Variants in DNAH12 observed in about 807,000 individuals in gnomAD.
DNAH12 encodes axonemal beta dynein heavy chain 12.
A neutral mutation model predicts 371.5 loss-of-function variants in DNAH12; 285 were observed. That is an observed-to-expected ratio of 0.77 (90% CI 0.70 to 0.85). The LOEUF (loss-of-function observed/expected upper bound fraction) is 0.85, where lower values mean the gene tolerates loss of function less well. DNAH12 is among the 40% of genes least tolerant of loss of function. The pLI is 0.00. For missense variants in DNAH12, 3,611 were observed against 3,689.4 expected (o/e 0.98, Z 0.55); for synonymous variants, 1,200 against 1,213.0 (o/e 0.99, Z 0.22).
intron 35 of DNAH12, among the ~76,000 whole-genome samples, chr3:57,422,357 A>G (rs1260498059): frequency 6.6e-6 from 1 of 152,050 alleles, no homozygotes; most frequent in Non-Finnish European, 1.5e-5. Context: ...CCTCCCGAGT[A>G]GCTGGGACTA....
At chr3:57,343,911 T>TC (rs1397916109) in intron 60 of DNAH12, among the ~76,000 whole-genome samples, 2 of 152,220 alleles carry the variant, frequency 1.3e-5, no homozygotes, top group Non-Finnish European at 2.9e-5. Flanking sequence ...CATAGTATCT[T>TC]CCCTTGACCT....
intron 59 of DNAH12, among the ~76,000 whole-genome samples, chr3:57,356,488 T>TAAATAAAGAAAG (rs1363080087): frequency 2.1e-5 from 3 of 141,568 alleles, no homozygotes; most frequent in Admixed American, 7.1e-5. Context: ...AATAAATAAA[T>TAAATAAAGAAAG]AAAATAAAGA....
At chr3:57,341,885 C>T (rs139384823) in intron 60 of DNAH12, among the ~76,000 whole-genome samples, 3 of 152,186 alleles carry the variant, frequency 2.0e-5, no homozygotes, top group Non-Finnish European at 2.9e-5. Context: ...GCTCTATTAA[C>T]GAAAACAGCA....
chr3:57,489,609 C>T lies in DNAH12; in HGVS notation c.1414G>A (p.Asp472Asn), dbSNP rs961167551. The T allele has an allele frequency of 6.5e-7, 1 of 1,543,776 alleles. No individual in the cohort carries two copies. Among genetic ancestry groups the T allele is most frequent in the African/African-American group, 1.4e-5 (1 of 72,566 alleles). ...QWIHYTMVRL[D>N]CEDLKTGLTN... ...AGGCCTGTCTTCAAATCTTCACAAT[C>T]CAAACGCACCATAGTGTAATGAATC... Residue 472 changes from aspartate (D) to asparagine (N), a missense_variant, in exon 12 of 74, where the codon GAT (aspartate) becomes AAT (asparagine). Asp to Asn is a conservative substitution (Grantham distance 23). Coordinates refer to ENST00000495027, the MANE Select transcript of DNAH12 (RefSeq NM_001366028.2).
At chr3:57,465,691 A>G (rs1165135039) in intron 17 of DNAH12, among the ~76,000 whole-genome samples, 5 of 152,126 alleles carry the variant, frequency 3.3e-5, no homozygotes, top group African/African-American at 1.2e-4. Context: ...TCAAAAAGCA[A>G]ATAATAAATA....
chr3:57,340,419 G>A (rs571273738), intron 60 of DNAH12, among the ~76,000 whole-genome samples: 1 of 151,936 alleles, frequency 6.6e-6, no homozygotes, highest in East Asian at 1.9e-4. Context: ...GCATTAACTA[G>A]ACTAAGAAAA....
intron 11 of DNAH12, among the ~76,000 whole-genome samples, chr3:57,494,821 C>A (rs1314059227): frequency 6.6e-6 from 1 of 152,090 alleles, no homozygotes; most frequent in African/African-American, 2.4e-5. Context: ...TCAGCCTAGG[C>A]AACATGGTGA....
chr3:57,502,117 C>A (rs2067572339), intron 10 of DNAH12, among the ~76,000 whole-genome samples: 2 of 152,066 alleles, frequency 1.3e-5, no homozygotes, highest in Non-Finnish European at 2.9e-5. Context: ...CCGTGTTAGC[C>A]AGGATGGTCT....
chr3:57,507,390 T>A (rs993089038), intron 8 of DNAH12, among the ~76,000 whole-genome samples: 3 of 152,288 alleles, frequency 2.0e-5, no homozygotes, highest in Admixed American at 1.3e-4. Flanking sequence ...AATAAAGCTA[T>A]AATTAACTTA....
chr3:57,327,308 A>G (rs2061973259), intron 62 of DNAH12, among the ~76,000 whole-genome samples: 1 of 151,678 alleles, frequency 6.6e-6, no homozygotes, highest in Admixed American at 6.6e-5. Flanking sequence ...CATAGTTGGA[A>G]GTAAAGCTCT....
At chr3:57,481,449 T>C (rs979145317) in intron 13 of DNAH12, among the ~76,000 whole-genome samples, 1 of 152,112 alleles carries the variant, frequency 6.6e-6, no homozygotes, top group Non-Finnish European at 1.5e-5. Context: ...GAACATTCCA[T>C]GCTCATGGGT....
At position 57,328,239 on chromosome 3, in the gene DNAH12, C is replaced by G. The variant is rs1348538581; in HGVS notation, c.9979-4620G>C. Among the ~76,000 whole-genome samples, 77 of 151,408 alleles carry G rather than the reference C, an allele frequency of 5.1e-4. 1 individual carries two copies. Among genetic ancestry groups the G allele is most frequent in the Non-Finnish European group, 4.4e-5 (3 of 67,918 alleles). On this transcript the variant is annotated intron_variant, in intron 62 of 73. Transcript: ENST00000495027. ...GGCCAGCATCATCCTGATACCAAAGCCTGGCAGAGACACAACCAAAAAAGA... is the reference window on the plus strand; with the variant it reads ...GGCCAGCATCATCCTGATACCAAAGGCTGGCAGAGACACAACCAAAAAAGA...
intron 13 of DNAH12, among the ~76,000 whole-genome samples, chr3:57,481,183 C>T (rs1186714675): frequency 6.6e-6 from 1 of 152,140 alleles, no homozygotes; most frequent in East Asian, 1.9e-4. Context: ...ATTGTCTCAG[C>T]CCAAAATCTC....
In DNAH12 at chr3:57,322,341, A is replaced by T. The variant is rs1559551956; in HGVS notation, c.10524+2T>A. 1 of 1,550,268 alleles carries T rather than the reference A, an allele frequency of 6.5e-7. No homozygotes were observed. Among genetic ancestry groups the T allele is most frequent in the Non-Finnish European group, 8.7e-7 (1 of 1,146,512 alleles). On this transcript the variant is annotated splice_donor_variant, in intron 65 of 73. Transcript: ENST00000495027. LOFTEE classifies it high-confidence loss of function. ...TTAAAAGTTCCAAAAGATGAATATT[A>T]CCAGTTCCTTTCCACGGCATCCCTT...
At chr3:57,467,141 G>A (rs2066227055) in intron 17 of DNAH12, among the ~76,000 whole-genome samples, 1 of 151,918 alleles carries the variant, frequency 6.6e-6, no homozygotes, top group Non-Finnish European at 1.5e-5. Flanking sequence ...GAGTAATTTT[G>A]GAGTCTCGCT....
intron 58 of DNAH12, among the ~76,000 whole-genome samples, chr3:57,361,474 C>A (rs947984318): frequency 7.9e-5 from 8 of 100,940 alleles, no homozygotes; most frequent in African/African-American, 3.4e-4. Context: ...ATATATATCT[C>A]ATTCAGCTCT....
chr3:57,474,317 A>G (rs2066456453), intron 13 of DNAH12, among the ~76,000 whole-genome samples: 1 of 152,096 alleles, frequency 6.6e-6, no homozygotes, highest in Admixed American at 6.5e-5. Context: ...TTTTTTTGAG[A>G]CAGAGTTTCA....
At chr3:57,454,651 C>A in intron 23 of DNAH12, 124 bp downstream of exon 23, 2 of 1,333,440 alleles carry the variant, frequency 1.5e-6, no homozygotes. Context: ...GGGAGGATTT[C>A]TTGAGGCCAG....
At chr3:57,538,202 AT>A (rs1023711285) in intron 2 of DNAH12, among the ~76,000 whole-genome samples, 2 of 152,242 alleles carry the variant, frequency 1.3e-5, no homozygotes. Flanking sequence ...CTGAAGTAAC[AT>A]TTTTTTTCTT....
Sources: allele counts gnomAD v4.1 joint callset (sites outside exome capture counted in the v4.1 genomes callset), GRCh38; gene constraint gnomAD v4.1.1; transcripts MANE v1.5; gene names NCBI Gene and HGNC (gene_info 2026-07-23, HGNC 2026-07-21).